GALNT13: variants seen among roughly 807,000 people sequenced by gnomAD.
The protein encoded by GALNT13 is UDP-GalNAc:polypeptide N-acetylgalactosaminyltransferase 13.
In GALNT13, 28 loss-of-function variants were observed where a neutral mutation model predicts 64.2. The observed-to-expected ratio is 0.44, with a 90% confidence interval of 0.32 to 0.60. GALNT13 has a LOEUF of 0.60. GALNT13 is among the 20% of genes least tolerant of loss of function. GALNT13 has a pLI of 0.05. For synonymous variants in GALNT13, 214 were observed against 224.6 expected (o/e 0.95, Z 0.42); for missense variants, 577 against 669.8 (o/e 0.86, Z 1.53).
At chr2:154,367,925 G>A (rs1035624923) in intron 9 of GALNT13, among the ~76,000 whole-genome samples, 4 of 152,090 alleles carry the variant, frequency 2.6e-5, no homozygotes, top group African/African-American at 9.7e-5. Flanking sequence ...CAAGAATAAA[G>A]TATGATTTAT....
the GALNT13 span, among the ~76,000 whole-genome samples, chr2:153,479,990 G>A: frequency 6.6e-6 from 1 of 151,856 alleles, no homozygotes; most frequent in Non-Finnish European, 1.5e-5. Context: ...CCAGTAACTT[G>A]AGCTTCCAAT....
the GALNT13 span, among the ~76,000 whole-genome samples, chr2:153,266,584 G>GA: frequency 7.9e-5 from 12 of 151,928 alleles, no homozygotes; most frequent in Admixed American, 2.6e-4. Flanking sequence ...GAGAGAGAGA[G>GA]AGCTCGAGTG....
At chr2:154,129,654 A>C (rs1219691372) in intron 3 of GALNT13, among the ~76,000 whole-genome samples, 1 of 152,010 alleles carries the variant, frequency 6.6e-6, no homozygotes, top group East Asian at 1.9e-4. Flanking sequence ...ATAATACGTA[A>C]AGATACACAT....
At chr2:154,137,915 C>A (rs1270704933) in intron 3 of GALNT13, among the ~76,000 whole-genome samples, 8 of 152,082 alleles carry the variant, frequency 5.3e-5, no homozygotes, top group Admixed American at 3.9e-4. Context: ...GAAGCTGTTT[C>A]TGATCTCCCT....
the GALNT13 span, among the ~76,000 whole-genome samples, chr2:153,254,368 T>A: frequency 6.6e-6 from 1 of 152,224 alleles, no homozygotes; most frequent in African/African-American, 2.4e-5. Context: ...TTTTTTTCTT[T>A]ATTAGTCTGG....
At chr2:153,990,339 G>C (rs749850805) in intron 3 of GALNT13, among the ~76,000 whole-genome samples, 1 of 152,064 alleles carries the variant, frequency 6.6e-6, no homozygotes, top group Non-Finnish European at 1.5e-5. Flanking sequence ...TTTGCCAATG[G>C]TGTGTTCTTT....
the GALNT13 span, among the ~76,000 whole-genome samples, chr2:153,352,923 G>C: frequency 6.6e-6 from 1 of 151,994 alleles, no homozygotes; most frequent in Admixed American, 6.6e-5. Context: ...TCAATATTGT[G>C]TTGGCTATCC....
At chr2:153,309,045 A>G in the GALNT13 span, among the ~76,000 whole-genome samples, 2 of 152,180 alleles carry the variant, frequency 1.3e-5, no homozygotes, top group African/African-American at 4.8e-5. Context: ...TTAGGAGATT[A>G]CATAGGTTCC....
At chr2:153,474,071 T>A in the GALNT13 span, among the ~76,000 whole-genome samples, 1 of 152,226 alleles carries the variant, frequency 6.6e-6, no homozygotes, top group Non-Finnish European at 1.5e-5. Context: ...AATTTTGCTT[T>A]GATTATTGTA....
the GALNT13 span, among the ~76,000 whole-genome samples, chr2:153,150,038 C>T: frequency 9.2e-5 from 14 of 151,874 alleles, no homozygotes; most frequent in South Asian, 2.9e-3. Context: ...TCCTCTGTCT[C>T]TGTGTCATCC....
chr2:153,118,917 C>T, the GALNT13 span, among the ~76,000 whole-genome samples: 1 of 152,092 alleles, frequency 6.6e-6, no homozygotes, highest in Non-Finnish European at 1.5e-5. Context: ...CCCATAATCC[C>T]CATGTGTTGT....
At chr2:154,346,466 A>C (rs1248797259) in intron 9 of GALNT13, among the ~76,000 whole-genome samples, 1 of 152,012 alleles carries the variant, frequency 6.6e-6, no homozygotes, top group African/African-American at 2.4e-5. Context: ...GTGGGAGATA[A>C]TTGAATCGTG....
chr2:154,246,437 T>G (rs1689784034), intron 7 of GALNT13, among the ~76,000 whole-genome samples: 1 of 152,094 alleles, frequency 6.6e-6, no homozygotes, highest in Non-Finnish European at 1.5e-5. Flanking sequence ...ATTTGGAAAA[T>G]ATTAATGTAT....
the GALNT13 span, among the ~76,000 whole-genome samples, chr2:153,135,003 AC>A: frequency 6.6e-6 from 1 of 152,138 alleles, no homozygotes; most frequent in African/African-American, 2.4e-5. Flanking sequence ...GCATTAGTCA[AC>A]CCAGGCTGTA....
At chr2:153,837,660 A>G in the GALNT13 span, among the ~76,000 whole-genome samples, 1 of 152,018 alleles carries the variant, frequency 6.6e-6, no homozygotes, top group East Asian at 1.9e-4. Flanking sequence ...TTCTTTATCC[A>G]TTCATTTGTC....
intron 3 of GALNT13, among the ~76,000 whole-genome samples, chr2:154,139,483 G>T (rs1472485276): frequency 6.6e-6 from 1 of 151,920 alleles, no homozygotes; most frequent in Non-Finnish European, 1.5e-5. Context: ...GACATTGGAA[G>T]AGTCGAGACC....
intron 3 of GALNT13, among the ~76,000 whole-genome samples, chr2:154,052,740 T>C (rs1322463956): frequency 2.0e-5 from 3 of 149,536 alleles, no homozygotes; most frequent in African/African-American, 7.4e-5. Context: ...TTGACTTTTT[T>C]TTTTTTTTTT....
chr2:154,341,119 AT>A (rs1318222759), intron 9 of GALNT13, among the ~76,000 whole-genome samples: 1 of 152,138 alleles, frequency 6.6e-6, no homozygotes, highest in Non-Finnish European at 1.5e-5. Context: ...GTGTATCTTG[AT>A]TTAAAGTCTG....
chr2:153,696,955 G>T, the GALNT13 span, among the ~76,000 whole-genome samples: 2 of 152,156 alleles, frequency 1.3e-5, no homozygotes, highest in Non-Finnish European at 2.9e-5. Flanking sequence ...ACTCTCAAAA[G>T]AACTTATAGA....
Sources: allele counts gnomAD v4.1 joint callset (sites outside exome capture counted in the v4.1 genomes callset), GRCh38; gene constraint gnomAD v4.1.1; transcripts MANE v1.5; gene names NCBI Gene and HGNC (gene_info 2026-07-23, HGNC 2026-07-21).